The following SCAND3 variants were observed in gnomAD, a reference collection of about 807,000 sequenced individuals.
SCAND3 encodes SCAN domain-containing protein 3.
chr6:28,601,725 C>T, the SCAND3 span, among the ~76,000 whole-genome samples: 1 of 152,134 alleles, frequency 6.6e-6, no homozygotes, highest in African/African-American at 2.4e-5. Flanking sequence ...GGGGTTTTGC[C>T]ATGTTGGTCA....
At chr6:28,579,560 G>T in the SCAND3 span, 1 of 792,362 alleles carries the variant, frequency 1.3e-6, no homozygotes. This position sits in a 1 kb window ranked among gnomAD's most constrained non-coding sequence, Gnocchi z 4.5. Flanking sequence ...AAAACATGAA[G>T]AGAAATGAAA....
chr6:28,583,942 C>T, the SCAND3 span, among the ~76,000 whole-genome samples: 8 of 152,254 alleles, frequency 5.3e-5, no homozygotes, highest in African/African-American at 1.4e-4. Context: ...TTTGCAAGAG[C>T]GATACAGCTT....
the SCAND3 span, chr6:28,579,426 A>C: frequency 6.2e-7 from 1 of 1,607,518 alleles, no homozygotes; most frequent in Non-Finnish European, 8.5e-7. The surrounding 1 kb of genome is among the most constrained non-coding windows in gnomAD (Gnocchi z 4.5). Context: ...AGACCTGTGG[A>C]CAAGTAGGTG....
the SCAND3 span, among the ~76,000 whole-genome samples, chr6:28,576,513 C>G: frequency 6.6e-6 from 1 of 152,130 alleles, no homozygotes; most frequent in East Asian, 1.9e-4. Context: ...GCCTGCCAGC[C>G]TCAGCCTCCC....
At chr6:28,586,409 G>A in the SCAND3 span, 1 of 1,614,146 alleles carries the variant, frequency 6.2e-7, no homozygotes. This position sits in a 1 kb window ranked among gnomAD's most constrained non-coding sequence, Gnocchi z 4.4. Context: ...CCTCAGGCAG[G>A]ATGGTCAGGA....
the SCAND3 span, among the ~76,000 whole-genome samples, chr6:28,577,132 G>A: frequency 1.3e-5 from 2 of 152,000 alleles, no homozygotes; most frequent in Non-Finnish European, 2.9e-5. Flanking sequence ...AGTACTGGAT[G>A]AGTCAAAATC....
At chr6:28,585,367 G>A in the SCAND3 span, 5 of 152,150 alleles carry the variant, frequency 3.3e-5, no homozygotes, top group African/African-American at 4.8e-5. Flanking sequence ...ATGTAAATAA[G>A]TGCTTCCAAG....
At chr6:28,578,398 AAC>A in the SCAND3 span, among the ~76,000 whole-genome samples, 1 of 152,204 alleles carries the variant, frequency 6.6e-6, no homozygotes, top group Non-Finnish European at 1.5e-5. Flanking sequence ...TTTCTAAAGA[AAC>A]AGAGATCACT....
At chr6:28,588,342 A>C in the SCAND3 span, among the ~76,000 whole-genome samples, 1 of 152,184 alleles carries the variant, frequency 6.6e-6, no homozygotes, top group Non-Finnish European at 1.5e-5. The surrounding 1 kb of genome is among the most constrained non-coding windows in gnomAD (Gnocchi z 4.1). Flanking sequence ...GATCTCTGCC[A>C]TGCTGAGCAC....
the SCAND3 span, chr6:28,586,361 A>C: frequency 6.2e-7 from 1 of 1,613,860 alleles, no homozygotes; most frequent in Non-Finnish European, 8.5e-7. This position sits in a 1 kb window ranked among gnomAD's most constrained non-coding sequence, Gnocchi z 4.4. Flanking sequence ...CCTCTTCTCC[A>C]CTCTCAGGAT....
the SCAND3 span, among the ~76,000 whole-genome samples, chr6:28,578,203 T>C: frequency 6.6e-6 from 1 of 152,224 alleles, no homozygotes; most frequent in Admixed American, 6.5e-5. Flanking sequence ...AAATTAATGA[T>C]ATGTTACTGT....
At chr6:28,600,884 C>G in the SCAND3 span, among the ~76,000 whole-genome samples, 2 of 150,058 alleles carry the variant, frequency 1.3e-5, no homozygotes, top group Non-Finnish European at 3.0e-5. Context: ...CTCAGGAGGT[C>G]CTGACAACAT....
At chr6:28,584,855 T>C in the SCAND3 span, among the ~76,000 whole-genome samples, 1 of 152,240 alleles carries the variant, frequency 6.6e-6, no homozygotes, top group South Asian at 2.1e-4. Context: ...TTCTTGAAGA[T>C]ACTAAACCAG....
chr6:28,576,895 C>T, the SCAND3 span, among the ~76,000 whole-genome samples: 10 of 133,498 alleles, frequency 7.5e-5, no homozygotes, highest in Non-Finnish European at 1.4e-4. Flanking sequence ...CAGGCGTGAG[C>T]CACCACACCC....
the SCAND3 span, among the ~76,000 whole-genome samples, chr6:28,604,606 A>G: frequency 7.5e-6 from 1 of 132,740 alleles, no homozygotes; most frequent in Non-Finnish European, 1.6e-5. Context: ...ACCGAGCGAG[A>G]CTCTGTCTCA....
chr6:28,583,518 C>T, the SCAND3 span, among the ~76,000 whole-genome samples: 1 of 152,180 alleles, frequency 6.6e-6, no homozygotes, highest in East Asian at 1.9e-4. Context: ...CTACAAGAAA[C>T]ATGATGTGGG....
At chr6:28,596,738 A>C in the SCAND3 span, among the ~76,000 whole-genome samples, 2 of 152,186 alleles carry the variant, frequency 1.3e-5, no homozygotes, top group African/African-American at 4.8e-5. Context: ...GGAATGTCGT[A>C]TGGAGTATAT....
the SCAND3 span, among the ~76,000 whole-genome samples, chr6:28,592,382 GA>G: frequency 6.6e-6 from 1 of 152,058 alleles, no homozygotes; most frequent in African/African-American, 2.4e-5. This position sits in a 1 kb window ranked among gnomAD's most constrained non-coding sequence, Gnocchi z 4.1. Context: ...TTTAACAAAA[GA>G]GATGAAAGAC....
At chr6:28,584,649 A>G in the SCAND3 span, among the ~76,000 whole-genome samples, 4 of 152,208 alleles carry the variant, frequency 2.6e-5, no homozygotes, top group African/African-American at 7.2e-5. Context: ...CAATGCATCC[A>G]AATTCTCCAC....
Sources: allele counts gnomAD v4.1 joint callset (sites outside exome capture counted in the v4.1 genomes callset), GRCh38; gene constraint gnomAD v4.1.1; non-coding constraint Gnocchi (gnomAD v3.1); transcripts MANE v1.5; gene names NCBI Gene and HGNC (gene_info 2026-07-23, HGNC 2026-07-21).